The following SYT7 variants were observed in gnomAD, a reference collection of about 807,000 sequenced individuals.
SYT7 encodes synaptotagmin-7.
In SYT7, 29 loss-of-function variants were observed where a neutral mutation model predicts 75.1. The ratio of observed to expected loss-of-function variants is 0.39; its 90% CI spans 0.29 to 0.53. The LOEUF (loss-of-function observed/expected upper bound fraction) is 0.53. Ranked by LOEUF, SYT7 falls within the 20% of genes least tolerant of loss-of-function variation. The pLI, the probability that SYT7 is intolerant of heterozygous loss-of-function variation, is 0.77. For missense variants in SYT7, 693 were observed against 953.2 expected (o/e 0.73, Z 3.59); for synonymous variants, 376 against 401.7 (o/e 0.94, Z 0.76).
chr11:61,528,520 C>G (rs902400156), intron 8 of SYT7, among the ~76,000 whole-genome samples: 3 of 152,142 alleles, frequency 2.0e-5, no homozygotes, highest in African/African-American at 4.8e-5. Flanking sequence ...GCTTCCCTGG[C>G]GCGTGCTGGG....
Position 61,551,430 on chromosome 11 carries a change from C to T in SYT7, c.169G>A (p.Gly57Ser), listed in dbSNP as rs1326172474. 6 of 1,613,760 alleles carry T rather than the reference C, an allele frequency of 3.7e-6. No individual in the cohort carries two copies. Among genetic ancestry groups the T allele is most frequent in the South Asian group, 1.1e-5 (1 of 91,078 alleles). The change falls in exon 3 of 13, where the codon GGC (glycine) becomes AGC (serine). Residue 57 changes from glycine to serine, a missense_variant. This residue lies in a region of SYT7 where 487 missense variants were observed against 593.2 expected (regional missense o/e 0.82). Transcript: ENST00000539008. This position sits in a 1 kb window ranked among gnomAD's most constrained non-coding sequence, Gnocchi z 5.3. Reference protein sequence around the residue: ...KRYKNSLETVGTPDSGRGRSE... With the variant: ...KRYKNSLETVSTPDSGRGRSE... ...CGCCCACGCCCTGAGTCTGGCGTGC[C>T]CACCGTCTCCAAGGAATTCTTGTAG...
chr11:61,561,185 G>A (rs1270176158), intron 1 of SYT7, among the ~76,000 whole-genome samples: 1 of 152,212 alleles, frequency 6.6e-6, no homozygotes, highest in Non-Finnish European at 1.5e-5. Flanking sequence ...ACAGGGTTGA[G>A]TGCCACAACC....
At chr11:61,567,712 G>A (rs77046197) in intron 1 of SYT7, among the ~76,000 whole-genome samples, 5,311 of 152,312 alleles carry the variant, frequency 0.035, 312 homozygotes, top group African/African-American at 0.12. Flanking sequence ...CCTGGTGGCT[G>A]GCGCGGGCAC....
intron 2 of SYT7, among the ~76,000 whole-genome samples, chr11:61,552,216 G>A (rs2063373011): frequency 6.6e-6 from 1 of 152,112 alleles, no homozygotes; most frequent in Non-Finnish European, 1.5e-5. Context: ...CCTGCTGCCG[G>A]GAAGGTGAGC....
At chr11:61,530,529 A>G (rs2062673571) in intron 8 of SYT7, among the ~76,000 whole-genome samples, 3 of 152,120 alleles carry the variant, frequency 2.0e-5, no homozygotes, top group Admixed American at 2.0e-4. Flanking sequence ...GGTTCCTTCT[A>G]GAGTTCTGCC....
rs2063216952 is a variant in SYT7 at position 61,547,196 on chromosome 11, C to T, written c.328G>A (p.Asp110Asn). 4 of 1,535,442 alleles carry T rather than the reference C, an allele frequency of 2.6e-6. No individual in the cohort carries two copies. The highest frequency in any genetic ancestry group is 2.4e-5 in the East Asian group (1 of 40,920). The change falls in exon 4 of 13, where the codon GAC (aspartate) becomes AAC (asparagine). Residue 110 changes from aspartate to asparagine, a missense_variant. Physicochemically the swap from Asp to Asn is conservative, Grantham distance 23 (BLOSUM62 1). Transcript: ENST00000539008. Reference protein sequence around the residue: ...LNISPYAPYGDPRLSLNGTLL... With the variant: ...LNISPYAPYGNPRLSLNGTLL... ...ACTCACTTGAGGGACAGTCGTGGGT[C>T]GCCATAAGGGGCGTAGGGTGAAATG...
In SYT7 at chr11:61,518,056, C is replaced by A. The variant is rs182501346; in HGVS notation, c.*571G>T. On this transcript the variant is annotated 3_prime_UTR_variant, in exon 13 of 13. Coordinates refer to ENST00000539008, the MANE Select transcript of SYT7 (RefSeq NM_001365809.2). The stretch of plus-strand genomic sequence containing the variant: ...ATTTCCAGGCCTCTGTCCCCACGCA[C>A]ACACACAATGGACACAACACGAGTA... 7.5e-3 allele frequency: 1,201 copies of A among 159,386 alleles called. 22 individuals are homozygous for A. The highest frequency in any genetic ancestry group is 0.026 in the African/African-American group (1,103 of 41,872). The allele number at this position is 159,386 out of a possible 1,614,324, so 9.9% of individuals were successfully genotyped here.
At chr11:61,562,177 C>T (rs920251135) in intron 1 of SYT7, among the ~76,000 whole-genome samples, 3 of 152,166 alleles carry the variant, frequency 2.0e-5, no homozygotes, top group African/African-American at 7.2e-5. Flanking sequence ...AAAAGACCTC[C>T]TCCAGGAAGC....
chr11:61,538,035 G>A (rs1391098085), intron 7 of SYT7, 109 bp downstream of exon 7: 129 of 1,450,304 alleles, frequency 8.9e-5, no homozygotes, highest in South Asian at 7.8e-4. Context: ...TCCAGCATCC[G>A]CTGAAGGCAC....
chr11:61,575,665 C>T (rs1160224176), intron 1 of SYT7, among the ~76,000 whole-genome samples: 1 of 152,204 alleles, frequency 6.6e-6, no homozygotes, highest in East Asian at 1.9e-4. Flanking sequence ...GTCCCTGGCA[C>T]ACAGGCCCTG....
At position 61,546,566 on chromosome 11, in the gene SYT7, G is replaced by T. The variant is rs2063197290; in HGVS notation, c.348-311C>A. The T allele has an allele frequency of 2.2e-6, 1 of 458,316 alleles. No homozygotes were observed. Among genetic ancestry groups the T allele is most frequent in the Non-Finnish European group, 4.2e-6 (1 of 237,882 alleles). 28.4% of individuals were successfully genotyped at this position (458,316 alleles called of 1,614,324 possible). ...AACGGAGGGGGGGCCCCTCCCCACCGCCTGGGGCAGGGGCGGCGGGGGTTG... is the reference window on the plus strand; with the variant it reads ...AACGGAGGGGGGGCCCCTCCCCACCTCCTGGGGCAGGGGCGGCGGGGGTTG... On this transcript the variant is annotated intron_variant, in intron 4 of 12. Transcript: ENST00000539008. The surrounding 1 kb of genome is among the most constrained non-coding windows in gnomAD (Gnocchi z 7.6).
rs1363328987 is a variant in SYT7, at chr11:61,580,196, C to T, written c.31+594G>A. 6.6e-6 allele frequency among the ~76,000 whole-genome samples: 1 copy of T among 151,694 alleles called. No homozygotes were observed. The highest frequency in any genetic ancestry group is 2.4e-5 in the African/African-American group (1 of 41,244). On this transcript the variant is annotated intron_variant, in intron 1 of 12. Coordinates refer to ENST00000539008, the MANE Select transcript of SYT7 (RefSeq NM_001365809.2). The surrounding 1 kb of genome is among the most constrained non-coding windows in gnomAD (Gnocchi z 6.1). ...CTTGGCACCCCCATTCTCATGAGCC[C>T]CTGCTCTCTTTCCCTTCAGGCACCC...
At chr11:61,527,121 G>C (rs182029408) in intron 9 of SYT7, among the ~76,000 whole-genome samples, 4 of 152,130 alleles carry the variant, frequency 2.6e-5, no homozygotes, top group African/African-American at 4.8e-5. Flanking sequence ...GATAAAGACC[G>C]GCCTTCAGAG....
intron 2 of SYT7, among the ~76,000 whole-genome samples, chr11:61,552,497 C>T (rs554594527): frequency 5.3e-5 from 8 of 152,194 alleles, no homozygotes; most frequent in East Asian, 1.9e-4. Flanking sequence ...TGCACACACA[C>T]GTGCGCGCAC....
At position 61,533,114 on chromosome 11, in the gene SYT7, C is replaced by T; in HGVS notation, c.1075G>A (p.Gly359Arg). 6.3e-7 allele frequency: 1 copy of T among 1,598,946 alleles called. No individual in the cohort carries two copies. Among genetic ancestry groups the T allele is most frequent in the Non-Finnish European group, 8.5e-7 (1 of 1,172,648 alleles). ...NAQGDKRLPA[G>R]GKAVNTAPVP... ...GGGGCTGTGTTCACCGCCTTCCCTC[C>T]TGCAGGCAACCTGAGGGCAGGGGAG... The change falls in exon 8 of 13, where the codon GGA becomes AGA. Residue 359 changes from glycine (G) to arginine (R), a missense_variant. This residue lies in a region of SYT7 where 487 missense variants were observed against 593.2 expected (regional missense o/e 0.82). Coordinates refer to ENST00000539008, the MANE Select transcript of SYT7 (RefSeq NM_001365809.2).
At chr11:61,584,127 C>T (rs549593369), upstream of SYT7, among the ~76,000 whole-genome samples, 21 of 152,218 alleles carry the variant, frequency 1.4e-4, no homozygotes, top group South Asian at 2.9e-3. Context: ...CGGTGGCTCA[C>T]GCCTGTAATC....
chr11:61,572,255 T>C (rs555987330), intron 1 of SYT7, among the ~76,000 whole-genome samples: 1 of 152,066 alleles, frequency 6.6e-6, no homozygotes, highest in Admixed American at 6.5e-5. Flanking sequence ...GTAGAGAGAA[T>C]GGAGACAGGG....
rs920966398 is a variant in SYT7, at chr11:61,551,742, C to T, written c.136-279G>A. Among the ~76,000 whole-genome samples the T allele has an allele frequency of 6.6e-6, 1 of 152,190 alleles. No homozygotes were observed. The highest frequency in any genetic ancestry group is 1.5e-5 in the Non-Finnish European group (1 of 68,020). On this transcript the variant is annotated intron_variant, in intron 2 of 12. Coordinates refer to ENST00000539008, the MANE Select transcript of SYT7 (RefSeq NM_001365809.2). The surrounding 1 kb of genome is among the most constrained non-coding windows in gnomAD (Gnocchi z 5.3). ...CCAGGGATCAGCCCCTCCTGTCTGC[C>T]TATCTCCTGGGGCTCTGGCCTAGCT...
intron 6 of SYT7, 145 bp from the exon 7 acceptor site, chr11:61,538,411 CAAAG>C: frequency 4.5e-6 from 3 of 673,124 alleles, no homozygotes; most frequent in Non-Finnish European, 6.9e-6. Context: ...GAGACAGAGA[CAAAG>C]AGAGAGAAGA....
Sources: allele counts gnomAD v4.1 joint callset (sites outside exome capture counted in the v4.1 genomes callset), GRCh38; gene constraint gnomAD v4.1.1; regional missense constraint gnomAD v4.1.1; non-coding constraint Gnocchi (gnomAD v3.1); transcripts MANE v1.5; gene names NCBI Gene and HGNC (gene_info 2026-07-23, HGNC 2026-07-21).